MYO3B: variants seen among roughly 807,000 people sequenced by gnomAD.
MYO3B encodes the protein myosin IIIB, also known as myosin-IIIb.
Under a neutral mutation model 174.6 loss-of-function variants are expected in MYO3B, and 156 were observed. The observed-to-expected ratio is 0.89, with a 90% CI of 0.78 to 1.02. The LOEUF (loss-of-function observed/expected upper bound fraction) is 1.02, where lower values mean the gene tolerates loss of function less well. Among genes scored for constraint, MYO3B ranks in the 50% least tolerant of loss-of-function variants. The pLI, the probability that MYO3B is intolerant of heterozygous loss-of-function variation, is 0.00. For missense variants in MYO3B, 1,632 were observed against 1,639.4 expected (o/e 1.00, Z 0.08); for synonymous variants, 563 against 569.1 (o/e 0.99, Z 0.15).
intron 16 of MYO3B, among the ~76,000 whole-genome samples, chr2:170,397,268 A>G (rs1160240541): frequency 6.6e-6 from 1 of 152,184 alleles, no homozygotes; most frequent in African/African-American, 2.4e-5. Flanking sequence ...AGATGTCACT[A>G]TTATAGTCTG....
At chr2:170,372,900 T>C (rs1454916214) in intron 9 of MYO3B, among the ~76,000 whole-genome samples, 2 of 152,010 alleles carry the variant, frequency 1.3e-5, no homozygotes, top group African/African-American at 4.8e-5. Flanking sequence ...TAGAGAGAGC[T>C]TGGGGAATCT....
intron 30 of MYO3B, among the ~76,000 whole-genome samples, chr2:170,533,425 T>TGGGGGGGGGG (rs10706524): frequency 8.6e-5 from 10 of 115,734 alleles, no homozygotes; most frequent in East Asian, 2.2e-4. Flanking sequence ...TTTGTGGGGG[T>TGGGGGGGGGG]GGGGGGGGGG....
At chr2:170,649,336 TTA>T (rs1698794618) in intron 32 of MYO3B, among the ~76,000 whole-genome samples, 2 of 92,988 alleles carry the variant, frequency 2.2e-5, no homozygotes, top group South Asian at 5.3e-4. Context: ...ATAATATATA[TTA>T]TATATAAAAT....
intron 32 of MYO3B, among the ~76,000 whole-genome samples, chr2:170,564,441 C>T (rs771232528): frequency 6.6e-6 from 1 of 152,110 alleles, no homozygotes; most frequent in African/African-American, 2.4e-5. Flanking sequence ...CCACTGCACT[C>T]CAGCCTGGGC....
chr2:170,528,264 C>G (rs373692478), intron 30 of MYO3B, among the ~76,000 whole-genome samples: 3 of 152,244 alleles, frequency 2.0e-5, no homozygotes, highest in African/African-American at 7.2e-5. Context: ...TGGTAGCTGC[C>G]TATGGTTAAT....
intron 8 of MYO3B, among the ~76,000 whole-genome samples, chr2:170,354,031 A>G (rs2094099709): frequency 6.6e-6 from 1 of 152,242 alleles, no homozygotes; most frequent in Non-Finnish European, 1.5e-5. Flanking sequence ...ATGATTTATT[A>G]TTAATGCATA....
chr2:170,268,989 C>T (rs1173016150), intron 7 of MYO3B, among the ~76,000 whole-genome samples: 1 of 152,082 alleles, frequency 6.6e-6, no homozygotes, highest in African/African-American at 2.4e-5. Flanking sequence ...AAGAAAAGTG[C>T]GTGATAGGTG....
intron 32 of MYO3B, among the ~76,000 whole-genome samples, chr2:170,635,578 C>A (rs768281115): frequency 9.2e-5 from 14 of 152,096 alleles, no homozygotes; most frequent in Non-Finnish European, 2.1e-4. Context: ...CAAACCTGCA[C>A]ATTGTGTACA....
At chr2:170,270,056 T>G (rs1254806690) in intron 7 of MYO3B, among the ~76,000 whole-genome samples, 1 of 152,214 alleles carries the variant, frequency 6.6e-6, no homozygotes, top group Non-Finnish European at 1.5e-5. Context: ...AATATAGTCC[T>G]AGTTATAATA....
chr2:170,350,708 C>T (rs947316164), intron 8 of MYO3B: 3 of 152,152 alleles, frequency 2.0e-5, no homozygotes, highest in African/African-American at 7.2e-5. Context: ...AGGGGCACGT[C>T]TCACAGATGT....
At chr2:170,596,704 C>G (rs116143516) in intron 32 of MYO3B, among the ~76,000 whole-genome samples, 2 of 152,174 alleles carry the variant, frequency 1.3e-5, no homozygotes, top group African/African-American at 4.8e-5. Context: ...CCGCTGCCCC[C>G]CCAGGGCCTA....
In MYO3B at chr2:170,382,069, A is replaced by T. The variant is rs538641177; in HGVS notation, c.1025A>T (p.Tyr342Phe). The change falls in exon 10 of 35, where the codon TAC becomes TTC. Residue 342 changes from tyrosine (Y) to phenylalanine (F), a missense_variant. Tyr to Phe is a conservative substitution (Grantham distance 22). Transcript: ENST00000408978. ...RPYHVEDAEKYCLEDDLVNLE... is the reference protein window; with the variant it reads ...RPYHVEDAEKFCLEDDLVNLE... ...TATCATGTGGAAGATGCTGAAAAAT[A>T]CTGCCTTGAGGATGATTTGGTCAAC... 1 of 1,613,706 alleles carries T rather than the reference A, an allele frequency of 6.2e-7. No individual in the cohort carries two copies.
intron 23 of MYO3B, among the ~76,000 whole-genome samples, chr2:170,458,146 A>T (rs752121379): frequency 1.3e-5 from 2 of 152,224 alleles, no homozygotes; most frequent in African/African-American, 4.8e-5. Context: ...ATTATTGTAC[A>T]TGCTCTGCTT....
At chr2:170,630,084 G>A (rs906953715) in intron 32 of MYO3B, among the ~76,000 whole-genome samples, 13 of 152,198 alleles carry the variant, frequency 8.5e-5, no homozygotes, top group Admixed American at 5.9e-4. Flanking sequence ...CATGGAGGGC[G>A]AGCTGAAGCA....
chr2:170,194,727 CT>C (rs1453198817), intron 1 of MYO3B, among the ~76,000 whole-genome samples: 1 of 152,080 alleles, frequency 6.6e-6, no homozygotes, highest in Non-Finnish European at 1.5e-5. Context: ...GGAGAATTGA[CT>C]CACATGATGA....
chr2:170,485,186 A>G (rs1181850001), intron 25 of MYO3B, among the ~76,000 whole-genome samples: 1 of 152,198 alleles, frequency 6.6e-6, no homozygotes, highest in Non-Finnish European at 1.5e-5. Flanking sequence ...GCCCATTACA[A>G]TAAAACCATA....
chr2:170,636,405 T>C (rs1228067982), intron 32 of MYO3B, among the ~76,000 whole-genome samples: 1 of 152,098 alleles, frequency 6.6e-6, no homozygotes, highest in East Asian at 1.9e-4. Context: ...AATTTCTTTT[T>C]TTTTTTTTTT....
rs146008405 is a variant in MYO3B at position 170,215,118 on chromosome 2, T to A, written c.526+290T>A. 4.5e-3 allele frequency among the ~76,000 whole-genome samples: 691 copies of A among 152,352 alleles called. 1 individual carries two copies. Among genetic ancestry groups the A allele is most frequent in the Middle Eastern group, 0.017 (5 of 294 alleles). On this transcript the variant is annotated intron_variant, in intron 5 of 34. Transcript: ENST00000408978. The stretch of plus-strand genomic sequence containing the variant: ...TCGGTTTTCTGCTAAGAATTTCACA[T>A]CTCAGGGCAATTGTCTATAATTTAC...
intron 22 of MYO3B, among the ~76,000 whole-genome samples, chr2:170,410,592 G>GAAAAA (rs59296953): frequency 2.7e-5 from 3 of 112,526 alleles, no homozygotes; most frequent in African/African-American, 3.4e-5. Context: ...CAAAAAAAAA[G>GAAAAA]AAAAAAAAAA....
Sources: gnomAD v4.1 joint callset for allele counts (sites outside exome capture counted in the v4.1 genomes callset) on GRCh38, gnomAD v4.1.1 for gene constraint, MANE v1.5 for transcripts, NCBI Gene and HGNC (gene_info 2026-07-23, HGNC 2026-07-21) for gene names.